The following FRMPD2 variants were observed in gnomAD, a reference collection of about 807,000 sequenced individuals.
FRMPD2 encodes the protein FERM and PDZ domain containing 2.
A neutral mutation model predicts 140.1 loss-of-function variants in FRMPD2; 96 were observed. The observed-to-expected ratio is 0.69, with a 90% CI of 0.58 to 0.81. The LOEUF (loss-of-function observed/expected upper bound fraction) is 0.81, where lower values mean the gene tolerates loss of function less well. Ranked by LOEUF, FRMPD2 falls within the 40% of genes least tolerant of loss-of-function variation. The probability of loss-of-function intolerance (pLI) is 0.00; values close to 1 mark genes in which losing one functional copy is unlikely to be tolerated. For synonymous variants in FRMPD2, 449 were observed against 547.6 expected, an observed-to-expected ratio of 0.82 and a Z score of 2.52; for missense variants, 1,240 against 1,447.4, an observed-to-expected ratio of 0.86 and a Z score of 2.32.
At chr10:48,201,803 C>T (rs910645973) in intron 14 of FRMPD2, 2 of 153,806 alleles carry the variant, frequency 1.3e-5, no homozygotes, top group African/African-American at 4.8e-5. Context: ...AAGATAAAAA[C>T]ACCTGTGTGT....
chr10:48,222,965 T>C (rs1414068374), intron 11 of FRMPD2, among the ~76,000 whole-genome samples, 158 bp downstream of exon 11: 2 of 152,208 alleles, frequency 1.3e-5, no homozygotes, highest in Non-Finnish European at 2.9e-5. Context: ...TTGTTCTATC[T>C]TGATCAGAAT....
intron 10 of FRMPD2, among the ~76,000 whole-genome samples, chr10:48,225,946 C>G (rs1839712155): frequency 6.6e-6 from 1 of 152,126 alleles, no homozygotes; most frequent in African/African-American, 2.4e-5. Flanking sequence ...CTTTTGGTTT[C>G]ACTTTTGTAG....
chr10:48,206,659 A>ACATGACC lies in FRMPD2; in HGVS notation c.1797+82_1797+88dup, dbSNP rs1839205404. The stretch of plus-strand genomic sequence containing the variant: ...GAGAATGTTTGGTCAGGAGAAAGCC[A>ACATGACC]CATGACCCATGACCCACTGCTCCTT... On this transcript the variant is annotated intron_variant, in intron 14 of 28. Coordinates refer to ENST00000374201, the MANE Select transcript of FRMPD2 (RefSeq NM_001018071.4). 6.8e-6 allele frequency: 7 copies of ACATGACC among 1,023,488 alleles called. No homozygotes were observed. The East Asian group carries it at 1.7e-4, about 25-fold the overall frequency. The allele number at this position is 1,023,488 out of a possible 1,614,324, so 63.4% of individuals were successfully genotyped here. A position where few individuals can be genotyped will look rare whatever the true frequency, so the allele number is the denominator to read the frequency against.
At chr10:48,159,703 A>C (rs1402836744) in intron 28 of FRMPD2, among the ~76,000 whole-genome samples, 3 of 151,646 alleles carry the variant, frequency 2.0e-5, no homozygotes, top group East Asian at 3.9e-4. Context: ...ATGACCATCA[A>C]GATTTATACC....
chr10:48,206,599 G>A, intron 14 of FRMPD2, 149 bp downstream of exon 14: 1 of 633,892 alleles, frequency 1.6e-6, no homozygotes, highest in Non-Finnish European at 2.7e-6. Flanking sequence ...ATCCTGCAAT[G>A]CATCAGAATG....
chr10:48,193,044 A>G (rs1174782961), intron 15 of FRMPD2, 150 bp from the exon 16 acceptor site: 1 of 638,896 alleles, frequency 1.6e-6, no homozygotes, highest in Admixed American at 2.6e-5. Flanking sequence ...TATCCCTGGG[A>G]ATGCAAGGTC....
rs190300164 is a variant in FRMPD2 at position 48,258,067 on chromosome 10, A to G, written c.26-6376T>C. On this transcript the variant is annotated intron_variant, in intron 1 of 28. Transcript: ENST00000374201. ...AGGAAGAATGTGGGACTCCCAAGGA[A>G]TCGAAGCTCTCAGAGCGATCTTTTC... Among the ~76,000 whole-genome samples the G allele has an allele frequency of 5.0e-3, 767 of 152,348 alleles. 2 individuals are homozygous for G. Among genetic ancestry groups the G allele is most frequent in the Non-Finnish European group, 4.8e-3 (327 of 68,026 alleles).
chr10:48,219,603 A>G (rs1839533860), intron 12 of FRMPD2, among the ~76,000 whole-genome samples: 1 of 152,198 alleles, frequency 6.6e-6, no homozygotes, highest in Non-Finnish European at 1.5e-5. Flanking sequence ...CCCCAACAGC[A>G]AAATTACACT....
Position 48,258,950 on chromosome 10 carries a change from A to T in FRMPD2, c.26-7259T>A, listed in dbSNP as rs960737481. Reference sequence around the variant, plus strand: ...CTGAGCCTGGGCATGATTTTTCATTATGAAAGAAGCAATTAGTTTTAGAAA... The same window carrying T: ...CTGAGCCTGGGCATGATTTTTCATTTTGAAAGAAGCAATTAGTTTTAGAAA... On this transcript the variant is annotated intron_variant, in intron 1 of 28. Coordinates refer to ENST00000374201, the MANE Select transcript of FRMPD2 (RefSeq NM_001018071.4). 1.3e-4 allele frequency among the ~76,000 whole-genome samples: 20 copies of T among 152,236 alleles called. 1 individual carries two copies. Among genetic ancestry groups the T allele is most frequent in the Admixed American group, 2.0e-4 (3 of 15,282 alleles).
intron 9 of FRMPD2, among the ~76,000 whole-genome samples, chr10:48,235,691 G>A (rs1839951742): frequency 6.6e-6 from 1 of 152,226 alleles, no homozygotes; most frequent in Non-Finnish European, 1.5e-5. Flanking sequence ...CAGCCCTGGG[G>A]GTTGGGGAGA....
intron 10 of FRMPD2, among the ~76,000 whole-genome samples, chr10:48,224,635 T>C (rs191222033): frequency 2.7e-3 from 412 of 152,248 alleles, no homozygotes; most frequent in Non-Finnish European, 4.9e-3. Context: ...TGGTTGGTAA[T>C]CCCTCCCAAG....
intron 16 of FRMPD2, among the ~76,000 whole-genome samples, chr10:48,191,680 CA>C (rs1838832999): frequency 6.6e-6 from 1 of 152,008 alleles, no homozygotes; most frequent in Non-Finnish European, 1.5e-5. Context: ...AAACTCATCC[CA>C]AAAAAACAGC....
Position 48,187,173 on chromosome 10 carries a change from G to T in FRMPD2, c.2266+19C>A. Reference sequence around the variant, plus strand: ...TAGGGGTTCCTCCACCCAAGACCTGGTCGTGGCCTGGCCCATACCTGCATG... The same window carrying T: ...TAGGGGTTCCTCCACCCAAGACCTGTTCGTGGCCTGGCCCATACCTGCATG... On this transcript the variant is annotated intron_variant, in intron 17 of 28. Coordinates refer to ENST00000374201, the MANE Select transcript of FRMPD2 (RefSeq NM_001018071.4). 6.3e-7 allele frequency: 1 copy of T among 1,590,604 alleles called. No individual in the cohort carries two copies. Among genetic ancestry groups the T allele is most frequent in the Middle Eastern group, 1.7e-4 (1 of 6,016 alleles).
chr10:48,186,364 T>C (rs1838684551), intron 17 of FRMPD2, among the ~76,000 whole-genome samples: 1 of 152,180 alleles, frequency 6.6e-6, no homozygotes, highest in Admixed American at 6.5e-5. Context: ...ATTGATATGG[T>C]TTGGCTGTGT....
At chr10:48,217,868 C>A (rs141705492) in intron 12 of FRMPD2, among the ~76,000 whole-genome samples, 2 of 152,344 alleles carry the variant, frequency 1.3e-5, no homozygotes, top group East Asian at 1.9e-4. Flanking sequence ...CAGAACTCTG[C>A]GAAGGTGTCC....
chr10:48,251,290 G>A (rs147717461), intron 2 of FRMPD2, among the ~76,000 whole-genome samples: 1 of 152,352 alleles, frequency 6.6e-6, no homozygotes, highest in Non-Finnish European at 1.5e-5. Flanking sequence ...GCCTGGAAAT[G>A]CTGCAACACC....
rs1259648988 is a variant in FRMPD2, at chr10:48,223,405, C to G, written c.1169-135G>C. The G allele has an allele frequency of 7.0e-6, 5 of 714,682 alleles. No individual in the cohort carries two copies. The South Asian group carries it at 1.6e-4, about 23-fold the overall frequency. 44.3% of individuals were successfully genotyped at this position (714,682 alleles called of 1,614,324 possible). Reference sequence around the variant, plus strand: ...TGCAGGAGTGGGAGGTAAGTCTTTGCGTACCTGGTAGCAAGGAACCTTTGT... The same window carrying G: ...TGCAGGAGTGGGAGGTAAGTCTTTGGGTACCTGGTAGCAAGGAACCTTTGT... On this transcript the variant is annotated intron_variant, in intron 10 of 28. Coordinates refer to ENST00000374201, the MANE Select transcript of FRMPD2 (RefSeq NM_001018071.4).
chr10:48,215,767 G>GGT (rs1839432394), intron 12 of FRMPD2, among the ~76,000 whole-genome samples: 2 of 152,142 alleles, frequency 1.3e-5, no homozygotes, highest in South Asian at 4.1e-4. Context: ...CCAGAAGCAG[G>GGT]GTGAGATCAG....
chr10:48,202,462 T>C (rs1312550339), intron 14 of FRMPD2, among the ~76,000 whole-genome samples: 1 of 152,244 alleles, frequency 6.6e-6, no homozygotes, highest in African/African-American at 2.4e-5. Context: ...ATTAACCTAA[T>C]TTTAGATAAG....
Sources: gnomAD v4.1 joint callset for allele counts (sites outside exome capture counted in the v4.1 genomes callset) on GRCh38, gnomAD v4.1.1 for gene constraint, MANE v1.5 for transcripts, NCBI Gene and HGNC (gene_info 2026-07-23, HGNC 2026-07-21) for gene names.